Variants in SPOCK3 observed in about 807,000 individuals in gnomAD.
SPOCK3 encodes the protein testican-3.
Under a neutral mutation model 56.6 loss-of-function variants are expected in SPOCK3, and 30 were observed. The ratio of observed to expected loss-of-function variants is 0.53; its 90% CI spans 0.40 to 0.72. The LOEUF is 0.72. Among genes scored for constraint, SPOCK3 ranks in the 30% least tolerant of loss-of-function variants. SPOCK3 has a pLI of 0.00. For missense variants in SPOCK3, 527 were observed against 530.0 expected, an observed-to-expected ratio of 0.99 and a Z score of 0.06; for synonymous variants, 196 against 183.3, an observed-to-expected ratio of 1.07 and a Z score of -0.56.
intron 7 of SPOCK3, among the ~76,000 whole-genome samples, chr4:166,767,123 T>A (rs1738197781): frequency 6.6e-6 from 1 of 152,150 alleles, no homozygotes; most frequent in African/African-American, 2.4e-5. Context: ...ATTTTGTTGA[T>A]CTTTTCAAAA....
chr4:166,935,865 A>G (rs1740341602), intron 4 of SPOCK3, among the ~76,000 whole-genome samples: 1 of 152,230 alleles, frequency 6.6e-6, no homozygotes, highest in Non-Finnish European at 1.5e-5. Flanking sequence ...TTTTGAAGAT[A>G]GAGATAACAA....
At chr4:167,116,865 A>G (rs1761455159) in intron 2 of SPOCK3, among the ~76,000 whole-genome samples, 1 of 142,078 alleles carries the variant, frequency 7.0e-6, no homozygotes, top group Non-Finnish European at 1.5e-5. Flanking sequence ...ACTTTTGTAT[A>G]TAGATATACT....
intron 6 of SPOCK3, among the ~76,000 whole-genome samples, 162 bp from the exon 7 acceptor site, chr4:166,792,451 A>G (rs1029087884): frequency 6.6e-6 from 1 of 152,242 alleles, no homozygotes; most frequent in Non-Finnish European, 1.5e-5. Context: ...TTAAAATAAG[A>G]TGTAATATGA....
intron 2 of SPOCK3, among the ~76,000 whole-genome samples, chr4:167,179,622 G>A (rs1731278031): frequency 6.6e-6 from 1 of 152,114 alleles, no homozygotes; most frequent in Admixed American, 6.5e-5. Flanking sequence ...GAACAGCCAT[G>A]ACAATCTATA....
chr4:167,174,675 G>C (rs1187180134), intron 2 of SPOCK3, among the ~76,000 whole-genome samples: 1 of 152,118 alleles, frequency 6.6e-6, no homozygotes, highest in Admixed American at 6.6e-5. Flanking sequence ...CATCTTGAAA[G>C]GTGGCTAAAG....
At chr4:167,091,255 T>C (rs2150309813) in intron 2 of SPOCK3, among the ~76,000 whole-genome samples, 1 of 152,178 alleles carries the variant, frequency 6.6e-6, no homozygotes, top group Non-Finnish European at 1.5e-5. Flanking sequence ...ACCTACATGG[T>C]ATAACAAAAA....
At position 167,133,663 on chromosome 4, in the gene SPOCK3, A is replaced by C. The variant is rs983329646; in HGVS notation, c.190-71126T>G. 2.6e-5 allele frequency among the ~76,000 whole-genome samples: 4 copies of C among 152,190 alleles called. No individual in the cohort carries two copies. In the East Asian group the frequency reaches 7.7e-4, roughly 29 times the overall value. On this transcript the variant is annotated intron_variant, in intron 2 of 10. Coordinates refer to ENST00000357545, the MANE Select transcript of SPOCK3 (RefSeq NM_001040159.2). ...AGTTATCTTACTTAACTTGGGTTTA[A>C]TTCTAACATAATTAGTAATTAGAAG... is the stretch of plus-strand genomic sequence containing the variant.
intron 2 of SPOCK3, among the ~76,000 whole-genome samples, chr4:167,124,647 CTT>C (rs80158217): frequency 2.0e-5 from 3 of 150,386 alleles, no homozygotes; most frequent in African/African-American, 4.9e-5. Flanking sequence ...TTTGCCTTAT[CTT>C]TTTTTTTTCT....
At chr4:167,032,304 G>T (rs559558300) in intron 3 of SPOCK3, among the ~76,000 whole-genome samples, 39 of 152,024 alleles carry the variant, frequency 2.6e-4, no homozygotes, top group Middle Eastern at 3.4e-3. Context: ...TAAAGATGTT[G>T]TCAGCTAGAG....
chr4:167,163,003 T>C (rs1465156276), intron 2 of SPOCK3, among the ~76,000 whole-genome samples: 2 of 151,930 alleles, frequency 1.3e-5, no homozygotes, highest in Non-Finnish European at 2.9e-5. Context: ...TATCAACTTA[T>C]ACGTCATCCA....
intron 6 of SPOCK3, among the ~76,000 whole-genome samples, chr4:166,878,084 T>C (rs1733282458): frequency 6.6e-6 from 1 of 152,078 alleles, no homozygotes; most frequent in Admixed American, 6.6e-5. Flanking sequence ...GAGACCAGCC[T>C]GGCCAACATG....
At chr4:167,097,610 G>T (rs1210126796) in intron 2 of SPOCK3, among the ~76,000 whole-genome samples, 6 of 151,678 alleles carry the variant, frequency 4.0e-5, no homozygotes, top group East Asian at 3.9e-4. Context: ...TTCTTACATT[G>T]ATATATTGCA....
rs750221750 is a variant in SPOCK3, at chr4:166,735,070, C to T, written c.1153G>A (p.Gly385Arg). Residue 385 changes from glycine (G) to arginine (R), a missense_variant, in exon 11 of 11, where the codon GGA becomes AGA. Transcript: ENST00000357545. ...ADCAIDFEISGDFASGDFHEW... is the reference protein window; with the variant it reads ...ADCAIDFEISRDFASGDFHEW... ...TGAAAATCGCCACTAGCAAAATCTC[C>T]GGAGATCTCAAAATCTATAGCTTAA... 13 of 1,603,886 alleles carry T rather than the reference C, an allele frequency of 8.1e-6. No individual in the cohort carries two copies. Among genetic ancestry groups the T allele is most frequent in the Admixed American group, 6.8e-5 (4 of 59,132 alleles).
At chr4:166,932,198 T>C (rs772803497) in intron 4 of SPOCK3, among the ~76,000 whole-genome samples, 1 of 152,198 alleles carries the variant, frequency 6.6e-6, no homozygotes, top group East Asian at 1.9e-4. Context: ...CCACAGTTAA[T>C]GTATAAAAGA....
intron 2 of SPOCK3, among the ~76,000 whole-genome samples, chr4:167,097,881 C>T (rs1759299774): frequency 6.6e-6 from 1 of 151,952 alleles, no homozygotes; most frequent in African/African-American, 2.4e-5. Context: ...AGAATCAAAT[C>T]ATGTCATTTG....
Position 167,213,119 on chromosome 4 carries a change from A to G in SPOCK3, c.189+20866T>C, listed in dbSNP as rs564314221. Among the ~76,000 whole-genome samples, 7 of 152,364 alleles carry G rather than the reference A, an allele frequency of 4.6e-5. No homozygotes were observed. The South Asian group carries it at 1.4e-3, about 32-fold the overall frequency. On this transcript the variant is annotated intron_variant, in intron 2 of 10. Coordinates refer to ENST00000357545, the MANE Select transcript of SPOCK3 (RefSeq NM_001040159.2). ...TGTGATTGAATCGTTTAAGTTTAGCATAGATGGCCTGGTGTCAGCCTATGC... is the reference window on the plus strand; with the variant it reads ...TGTGATTGAATCGTTTAAGTTTAGCGTAGATGGCCTGGTGTCAGCCTATGC...
At chr4:166,877,193 C>T (rs1733188129) in intron 6 of SPOCK3, among the ~76,000 whole-genome samples, 1 of 152,110 alleles carries the variant, frequency 6.6e-6, no homozygotes, top group Admixed American at 6.5e-5. Context: ...ACCATGTACA[C>T]AAATTATTTT....
intron 2 of SPOCK3, among the ~76,000 whole-genome samples, chr4:167,068,482 T>C (rs1756375269): frequency 6.6e-6 from 1 of 151,728 alleles, no homozygotes; most frequent in Non-Finnish European, 1.5e-5. Context: ...TCAATCATTA[T>C]GCTACAAATG....
At chr4:167,100,790 C>G (rs899572598) in intron 2 of SPOCK3, among the ~76,000 whole-genome samples, 1 of 151,916 alleles carries the variant, frequency 6.6e-6, no homozygotes, top group Admixed American at 6.6e-5. Context: ...CATTATATTC[C>G]CAAATCCAAT....
Sources: allele counts gnomAD v4.1 joint callset (sites outside exome capture counted in the v4.1 genomes callset), GRCh38; gene constraint gnomAD v4.1.1; transcripts MANE v1.5; gene names NCBI Gene and HGNC (gene_info 2026-07-23, HGNC 2026-07-21).